The following UBQLN1 variants were observed in gnomAD, a reference collection of about 807,000 sequenced individuals.
UBQLN1 encodes ubiquilin 1, also known as ubiquilin-1.
In UBQLN1, 13 loss-of-function variants were observed where a neutral mutation model predicts 65.4. That is an observed-to-expected ratio of 0.20 (90% CI 0.13 to 0.32). The LOEUF is 0.32. Ranked by LOEUF, UBQLN1 falls within the 10% of genes least tolerant of loss-of-function variation. The pLI is 1.00. For missense variants in UBQLN1, 561 were observed against 724.0 expected, an observed-to-expected ratio of 0.77 and a Z score of 2.58; for synonymous variants, 267 against 247.8, an observed-to-expected ratio of 1.08 and a Z score of -0.73.
Position 83,683,562 on chromosome 9 carries a change from CTACAAAA to C in UBQLN1, c.333-503_333-497del, listed in dbSNP as rs1304679656. Among the ~76,000 whole-genome samples the C allele has an allele frequency of 2.3e-4, 35 of 152,014 alleles. 1 individual carries two copies. Among genetic ancestry groups the C allele is most frequent in the Admixed American group, 2.2e-3 (34 of 15,276 alleles). On this transcript the variant is annotated intron_variant, in intron 2 of 10. Transcript: ENST00000376395. ...AAAAAATACAAAATAAAATAAAACCCTACAAAATACAAAATATGCTGCAATTGCCCCT... is the reference window on the plus strand; with the variant it reads ...AAAAAATACAAAATAAAATAAAACCCTACAAAATATGCTGCAATTGCCCCT...
At chr9:83,668,702 A>G (rs748710947) in intron 7 of UBQLN1, 2 of 906,052 alleles carry the variant, frequency 2.2e-6, no homozygotes, top group East Asian at 2.4e-4. Context: ...AGGGGAATCA[A>G]TAGTTGAAAG....
chr9:83,701,197 A>C (rs1832304415), intron 1 of UBQLN1, among the ~76,000 whole-genome samples: 1 of 152,158 alleles, frequency 6.6e-6, no homozygotes, highest in South Asian at 2.1e-4. Flanking sequence ...ACCTTTAAAA[A>C]TAAATTCATT....
intron 5 of UBQLN1, among the ~76,000 whole-genome samples, chr9:83,678,216 T>C (rs1831875214): frequency 6.6e-6 from 1 of 152,016 alleles, no homozygotes; most frequent in Admixed American, 6.5e-5. Context: ...AGAGACGGGA[T>C]TTCACCGTAT....
At chr9:83,663,591 CA>C (rs919285454) in intron 10 of UBQLN1, among the ~76,000 whole-genome samples, 2 of 151,520 alleles carry the variant, frequency 1.3e-5, no homozygotes, top group African/African-American at 2.4e-5. Flanking sequence ...CAAATAGGAA[CA>C]AAAAAAATGC....
chr9:83,675,397 A>G (rs1162338562), intron 6 of UBQLN1, among the ~76,000 whole-genome samples: 1 of 152,172 alleles, frequency 6.6e-6, no homozygotes, highest in East Asian at 1.9e-4. Context: ...ATCATACTAA[A>G]GTCATTTTGA....
At chr9:83,673,727 G>A (rs1469953060) in intron 6 of UBQLN1, among the ~76,000 whole-genome samples, 3 of 152,058 alleles carry the variant, frequency 2.0e-5, no homozygotes, top group African/African-American at 7.2e-5. Flanking sequence ...TATTGTCTAT[G>A]GGTGTTTTGC....
chr9:83,679,733 A>G (rs1831909130), intron 4 of UBQLN1, 42 bp downstream of exon 4: 1 of 1,589,330 alleles, frequency 6.3e-7, no homozygotes, highest in Non-Finnish European at 8.6e-7. Flanking sequence ...TAACAAATAT[A>G]TCATTTTTTA....
intron 6 of UBQLN1, among the ~76,000 whole-genome samples, chr9:83,674,772 T>C (rs143498341): frequency 1.3e-5 from 2 of 152,330 alleles, no homozygotes; most frequent in Admixed American, 6.5e-5. Flanking sequence ...GGGGAGTCAA[T>C]GGTAAGTCTG....
intron 1 of UBQLN1, among the ~76,000 whole-genome samples, chr9:83,694,331 A>G (rs948531550): frequency 4.6e-5 from 7 of 152,126 alleles, no homozygotes; most frequent in Admixed American, 1.3e-4. Flanking sequence ...AGATCCTTCA[A>G]GAGTCTATTT....
intron 1 of UBQLN1, among the ~76,000 whole-genome samples, chr9:83,698,466 T>C (rs555465384): frequency 5.3e-5 from 8 of 152,298 alleles, no homozygotes; most frequent in Admixed American, 1.3e-4. Flanking sequence ...TTTATATCAA[T>C]TGCACCTTAA....
chr9:83,690,395 T>C (rs1053123036), intron 1 of UBQLN1, among the ~76,000 whole-genome samples: 1 of 152,158 alleles, frequency 6.6e-6, no homozygotes, highest in East Asian at 1.9e-4. Context: ...ACAAAATCCA[T>C]GGTGCCCAAA....
At chr9:83,686,770 A>G (rs535030397) in intron 1 of UBQLN1, among the ~76,000 whole-genome samples, 20 of 152,234 alleles carry the variant, frequency 1.3e-4, no homozygotes, top group Admixed American at 4.6e-4. Context: ...AAATACCCCA[A>G]ATATGAAATG....
intron 1 of UBQLN1, among the ~76,000 whole-genome samples, chr9:83,689,544 C>G (rs1387806441): frequency 2.0e-5 from 3 of 152,162 alleles, no homozygotes; most frequent in Non-Finnish European, 4.4e-5. Flanking sequence ...ACTACATATG[C>G]TGGGCCATAA....
In UBQLN1 at chr9:83,677,795, G is replaced by A. The variant is rs150337807; in HGVS notation, c.1037C>T (p.Thr346Ile). The A allele has an allele frequency of 6.2e-6, 10 of 1,614,204 alleles. No homozygotes were observed. The highest frequency in any genetic ancestry group is 8.5e-6 in the Non-Finnish European group (10 of 1,180,032). The change falls in exon 6 of 11, where the codon ACT becomes ATT. Residue 346 changes from threonine to isoleucine, a missense_variant. Around this residue, in one of 8 missense-constraint regions of UBQLN1, gnomAD observed 89 missense variants for 77.8 expected, o/e 1.14. Coordinates refer to ENST00000376395, the MANE Select transcript of UBQLN1 (RefSeq NM_013438.5). ...SGTASTVGGT[T>I]GSTASGTSGQ... ...AGAAGTGCCACTGGCAGTACTACCA[G>A]TAGTGCCACCCACAGTGCTGGCAGT...
At position 83,707,819 on chromosome 9, in the gene UBQLN1, G is replaced by A; in HGVS notation, c.-140C>T. On this transcript the variant is annotated 5_prime_UTR_variant, in exon 1 of 11. Transcript: ENST00000376395. ...GCCGCCTCAGTAGCAACGGGCGCAGGGCCACCGTAGCGGGTGTGGGGCCCC... is the reference window on the plus strand; with the variant it reads ...GCCGCCTCAGTAGCAACGGGCGCAGAGCCACCGTAGCGGGTGTGGGGCCCC... 1.5e-6 allele frequency: 2 copies of A among 1,303,326 alleles called. No individual in the cohort carries two copies. Among genetic ancestry groups the A allele is most frequent in the Admixed American group, 3.4e-5 (1 of 29,786 alleles). 80.7% of individuals were successfully genotyped at this position (1,303,326 alleles called of 1,614,324 possible). A position where few individuals can be genotyped will look rare whatever the true frequency, so the allele number is the denominator to read the frequency against.
intron 1 of UBQLN1, 131 bp from the exon 2 acceptor site, chr9:83,686,286 G>A: frequency 1.6e-6 from 1 of 613,100 alleles, no homozygotes; most frequent in Non-Finnish European, 2.5e-6. Flanking sequence ...CAATGTTCCA[G>A]GAGGCTGAGG....
chr9:83,684,203 AT>A (rs1354065595), intron 2 of UBQLN1, among the ~76,000 whole-genome samples: 2 of 151,782 alleles, frequency 1.3e-5, no homozygotes, highest in Non-Finnish European at 2.9e-5. Context: ...TTATTTATTT[AT>A]TTTTTTAAAG....
chr9:83,697,479 G>A (rs1160657155), intron 1 of UBQLN1, among the ~76,000 whole-genome samples: 2 of 149,588 alleles, frequency 1.3e-5, no homozygotes, highest in East Asian at 4.0e-4. Flanking sequence ...GTGAACCCAG[G>A]GGGCGGAGGT....
At chr9:83,673,568 CAAA>C (rs77515396) in intron 6 of UBQLN1, among the ~76,000 whole-genome samples, 38 of 82,640 alleles carry the variant, frequency 4.6e-4, no homozygotes, top group African/African-American at 1.4e-3. Flanking sequence ...AAAAAAAAAA[CAAA>C]AAAAAAAAAC....
Sources: gnomAD v4.1 joint callset for allele counts (sites outside exome capture counted in the v4.1 genomes callset) on GRCh38, gnomAD v4.1.1 for gene constraint, gnomAD v4.1.1 regional missense constraint, MANE v1.5 for transcripts, NCBI Gene and HGNC (gene_info 2026-07-23, HGNC 2026-07-21) for gene names.